Variants in TNFRSF10D observed in about 807,000 individuals in gnomAD.
TNFRSF10D encodes the protein tumor necrosis factor receptor superfamily member 10D.
Under a neutral mutation model 42.1 loss-of-function variants are expected in TNFRSF10D, and 28 were observed. That is an observed-to-expected ratio of 0.66 (90% CI 0.49 to 0.91). TNFRSF10D has a LOEUF of 0.91. TNFRSF10D is among the 40% of genes least tolerant of loss of function. The pLI, the probability that TNFRSF10D is intolerant of heterozygous loss-of-function variation, is 0.00. For missense variants in TNFRSF10D, 503 were observed against 486.1 expected (o/e 1.03, Z -0.33); for synonymous variants, 186 against 189.4 (o/e 0.98, Z 0.15).
rs535861667 is a variant in TNFRSF10D, at chr8:23,163,163, G to T, written c.150+623C>A. On this transcript the variant is annotated intron_variant, in intron 1 of 8. Coordinates refer to ENST00000312584, the MANE Select transcript of TNFRSF10D (RefSeq NM_003840.5). ...TGACCAGGCTGGAGTGCGATGGCGCGATCTCGGCTCACTGCAACCTCCGCC... is the reference window on the plus strand; with the variant it reads ...TGACCAGGCTGGAGTGCGATGGCGCTATCTCGGCTCACTGCAACCTCCGCC... Among the ~76,000 whole-genome samples the T allele has an allele frequency of 3.7e-3, 497 of 134,954 alleles. 3 individuals are homozygous for T. Among genetic ancestry groups the T allele is most frequent in the Non-Finnish European group, 5.6e-3 (364 of 65,206 alleles). The allele number at this position is 134,954 out of a possible 152,430, so 88.5% of individuals were successfully genotyped here. A position where few individuals can be genotyped will look rare whatever the true frequency, so the allele number is the denominator to read the frequency against.
At chr8:23,155,406 T>C (rs959183657) in intron 1 of TNFRSF10D, among the ~76,000 whole-genome samples, 3 of 151,782 alleles carry the variant, frequency 2.0e-5, no homozygotes, top group Admixed American at 6.6e-5. Flanking sequence ...ACCACTGTAG[T>C]TGGCAAGAAA....
In TNFRSF10D at chr8:23,148,427, A is replaced by G. The variant is rs2128837481; in HGVS notation, c.370+11T>C. On this transcript the variant is annotated intron_variant, in intron 3 of 8. Transcript: ENST00000312584. ...CTCCACCTCTGGGCAAGGGGTCCAC[A>G]CATTCTGTACCTGATTTACAAACTG... The G allele has an allele frequency of 1.2e-6, 2 of 1,601,354 alleles. No individual in the cohort carries two copies. Among genetic ancestry groups the G allele is most frequent in the East Asian group, 2.2e-5 (1 of 44,590 alleles).
chr8:23,146,761 G>C (rs1173907769), intron 4 of TNFRSF10D, among the ~76,000 whole-genome samples, 200 bp downstream of exon 4: 2 of 150,562 alleles, frequency 1.3e-5, no homozygotes, highest in Non-Finnish European at 3.0e-5. Flanking sequence ...GAGGGTATGG[G>C]AAGGGGCTGC....
intron 1 of TNFRSF10D, 21 bp from the exon 2 acceptor site, chr8:23,155,000 T>C: frequency 1.3e-6 from 2 of 1,576,738 alleles, no homozygotes; most frequent in Non-Finnish European, 1.7e-6. Flanking sequence ...AAGGCAGAGA[T>C]GGGCTTGAGT....
chr8:23,162,782 G>A (rs1800390144), intron 1 of TNFRSF10D, among the ~76,000 whole-genome samples: 2 of 152,148 alleles, frequency 1.3e-5, no homozygotes, highest in South Asian at 4.1e-4. Context: ...TTGGTTAACC[G>A]CTTCCTGCCA....
chr8:23,142,080 C>T (rs1800032247), intron 7 of TNFRSF10D, among the ~76,000 whole-genome samples: 1 of 152,060 alleles, frequency 6.6e-6, no homozygotes, highest in African/African-American at 2.4e-5. Context: ...GACCAGCCTG[C>T]CCAAGACGGT....
At chr8:23,139,046 A>G (rs1346610215) in intron 7 of TNFRSF10D, among the ~76,000 whole-genome samples, 1 of 150,496 alleles carries the variant, frequency 6.6e-6, no homozygotes, top group Non-Finnish European at 1.5e-5. Flanking sequence ...GGGCAGACAC[A>G]ATAATCATTA....
intron 1 of TNFRSF10D, among the ~76,000 whole-genome samples, chr8:23,163,089 C>CTATT: frequency 1.7e-5 from 1 of 57,206 alleles, no homozygotes; most frequent in South Asian, 9.2e-4. Context: ...GCCTGGCTAA[C>CTATT]TTTTTTTTTT....
intron 3 of TNFRSF10D, among the ~76,000 whole-genome samples, chr8:23,147,820 T>A (rs1331004586): frequency 3.3e-5 from 5 of 151,840 alleles, no homozygotes; most frequent in African/African-American, 9.7e-5. Flanking sequence ...CCCAGTACTT[T>A]GGGAGGCCGA....
intron 1 of TNFRSF10D, among the ~76,000 whole-genome samples, chr8:23,163,000 C>A (rs2128840648): frequency 6.6e-6 from 1 of 151,914 alleles, no homozygotes; most frequent in Middle Eastern, 3.5e-3. Context: ...CGGCTCACTG[C>A]AACCTCTGCC....
intron 3 of TNFRSF10D, among the ~76,000 whole-genome samples, chr8:23,147,501 C>T (rs1030509606): frequency 2.0e-5 from 3 of 152,166 alleles, no homozygotes; most frequent in African/African-American, 7.2e-5. Context: ...AGCCTGGCCA[C>T]GGAGCAGACC....
In TNFRSF10D at chr8:23,137,428, G is replaced by A. The variant is rs150338358; in HGVS notation, c.*442C>T. The A allele has an allele frequency of 5.9e-3, 926 of 156,872 alleles. No homozygotes were observed. The highest frequency in any genetic ancestry group is 0.019 in the African/African-American group (787 of 41,504). The allele number at this position is 156,872 out of a possible 1,614,324, so 9.7% of individuals were successfully genotyped here. A position where few individuals can be genotyped will look rare whatever the true frequency, so the allele number is the denominator to read the frequency against. On this transcript the variant is annotated 3_prime_UTR_variant, in exon 9 of 9. Coordinates refer to ENST00000312584, the MANE Select transcript of TNFRSF10D (RefSeq NM_003840.5). ...ATATAAGAAGCAGAAAAAAAGACTT[G>A]TCTCATGATGAAGAACTGCAAAGAA...
rs375752460 is a variant in TNFRSF10D, at chr8:23,145,118, C to T, written c.737-29G>A. ...GAAAAGAAGCAGTCTCCTGAGCAGG[C>T]GGGGAGGGGCCCATGCAGCACCTCC... On this transcript the variant is annotated intron_variant, in intron 5 of 8. Coordinates refer to ENST00000312584, the MANE Select transcript of TNFRSF10D (RefSeq NM_003840.5). The T allele has an allele frequency of 1.5e-4, 248 of 1,613,474 alleles. 1 individual carries two copies. In the African/African-American group the frequency reaches 2.5e-3, roughly 17 times the overall value.
chr8:23,161,638 C>T (rs1052585290), intron 1 of TNFRSF10D, among the ~76,000 whole-genome samples: 5 of 152,234 alleles, frequency 3.3e-5, no homozygotes, highest in Non-Finnish European at 7.3e-5. Flanking sequence ...ACTACCAAAA[C>T]TCCCGTATCC....
chr8:23,138,333 G>A, intron 7 of TNFRSF10D, 73 bp from the exon 8 acceptor site: 2 of 1,531,886 alleles, frequency 1.3e-6, no homozygotes, highest in South Asian at 2.2e-5. Context: ...CTGACCACTA[G>A]CCAGCAAGAG....
chr8:23,146,799 G>A (rs1026141573), intron 4 of TNFRSF10D, among the ~76,000 whole-genome samples, 162 bp downstream of exon 4: 6 of 152,150 alleles, frequency 3.9e-5, no homozygotes, highest in African/African-American at 1.4e-4. Context: ...GGGACAGGCA[G>A]ATGGACCAGG....
At chr8:23,155,036 G>T in intron 1 of TNFRSF10D, 57 bp from the exon 2 acceptor site, 1 of 1,348,298 alleles carries the variant, frequency 7.4e-7, no homozygotes, top group Non-Finnish European at 1.0e-6. Context: ...CCTCTCCCAG[G>T]CTCCGTCTCA....
rs537859133 is a variant in TNFRSF10D at position 23,149,228 on chromosome 8, A to C, written c.257-677T>G. ...AAAAAGAAAAGAAAAGAAAAGAAAT[A>C]TTTTATCTTTTTTAAAATTTTTTTT... On this transcript the variant is annotated intron_variant, in intron 2 of 8. Transcript: ENST00000312584. Among the ~76,000 whole-genome samples, 26 of 150,190 alleles carry C rather than the reference A, an allele frequency of 1.7e-4. No homozygotes were observed. In the East Asian group the frequency reaches 4.5e-3, roughly 26 times the overall value.
chr8:23,145,180 G>A (rs562639581), intron 5 of TNFRSF10D, 91 bp from the exon 6 acceptor site: 5 of 1,542,362 alleles, frequency 3.2e-6, no homozygotes, highest in Admixed American at 1.9e-5. Context: ...CTGGCTGGGG[G>A]CTGGGACACT....
Sources: gnomAD v4.1 joint callset for allele counts (sites outside exome capture counted in the v4.1 genomes callset) on GRCh38, gnomAD v4.1.1 for gene constraint, MANE v1.5 for transcripts, NCBI Gene and HGNC (gene_info 2026-07-23, HGNC 2026-07-21) for gene names.